Variants in ACRBP observed in about 807,000 individuals in gnomAD.
ACRBP encodes the protein acrosin-binding protein.
A neutral mutation model predicts 69.0 loss-of-function variants in ACRBP; 52 were observed. The ratio of observed to expected loss-of-function variants is 0.75; its 90% CI spans 0.60 to 0.95. The LOEUF (loss-of-function observed/expected upper bound fraction) is 0.95, where lower values mean the gene tolerates loss of function less well. ACRBP is among the 40% of genes least tolerant of loss of function. The probability of loss-of-function intolerance (pLI) is 0.00; values close to 1 mark genes in which losing one functional copy is unlikely to be tolerated. For synonymous variants in ACRBP, 267 were observed against 258.9 expected, an observed-to-expected ratio of 1.03 and a Z score of -0.30; for missense variants, 604 against 673.0, an observed-to-expected ratio of 0.90 and a Z score of 1.13.
chr12:6,638,621 G>T, intron 9 of ACRBP: 2 of 1,282,720 alleles, frequency 1.6e-6, no homozygotes, highest in Non-Finnish European at 2.1e-6. Flanking sequence ...CTGAGGCTCA[G>T]AGGGGGAAGT....
intron 6 of ACRBP, among the ~76,000 whole-genome samples, chr12:6,642,696 T>C (rs1949061336): frequency 6.6e-6 from 1 of 152,236 alleles, no homozygotes; most frequent in Non-Finnish European, 1.5e-5. Flanking sequence ...TTTTATGTTA[T>C]TCTTGTCCTC....
intron 9 of ACRBP, 46 bp from the exon 10 acceptor site, chr12:6,638,450 G>A: frequency 1.2e-6 from 2 of 1,612,308 alleles, no homozygotes; most frequent in Non-Finnish European, 8.5e-7. Flanking sequence ...AGAGCCAGGT[G>A]CCAGGAGTGG....
intron 6 of ACRBP, among the ~76,000 whole-genome samples, chr12:6,641,888 A>G (rs187541516): frequency 4.0e-4 from 61 of 152,330 alleles, no homozygotes; most frequent in African/African-American, 1.4e-3. Context: ...TCTCTACAAA[A>G]AAATACAAAA....
chr12:6,645,785 C>G (rs1299386567), intron 3 of ACRBP, among the ~76,000 whole-genome samples: 2 of 151,540 alleles, frequency 1.3e-5, no homozygotes, highest in Non-Finnish European at 2.9e-5. Flanking sequence ...CTCAGTCTCT[C>G]GAGTAGCTGG....
At chr12:6,638,690 C>A in intron 9 of ACRBP, 1 of 1,424,528 alleles carries the variant, frequency 7.0e-7, no homozygotes, top group Non-Finnish European at 9.1e-7. Context: ...CCTCAACGTC[C>A]AAGTCCTGGC....
chr12:6,646,711 CTCACA>C (rs1214674562), intron 2 of ACRBP, 78 bp downstream of exon 2: 5 of 1,559,932 alleles, frequency 3.2e-6, no homozygotes, highest in East Asian at 4.5e-5. Context: ...CCTTCCCCGC[CTCACA>C]TGAGCACAGG....
chr12:6,638,244 G>A lies in ACRBP; in HGVS notation c.*38C>T. 6.2e-7 allele frequency: 1 copy of A among 1,608,158 alleles called. No individual in the cohort carries two copies. The highest frequency in any genetic ancestry group is 8.5e-7 in the Non-Finnish European group (1 of 1,175,686). The stretch of plus-strand genomic sequence containing the variant: ...GGTCTCAAAACAATAGAGAACGTGG[G>A]CAGGTTGGGCTGGGGTGTGGGCAGA... On this transcript the variant is annotated 3_prime_UTR_variant, in exon 10 of 10. Transcript: ENST00000229243.
chr12:6,646,962 A>C lies in ACRBP; in HGVS notation c.94T>G (p.Ser32Ala), dbSNP rs1949094388. ...PAAAQDSTQASTPGSPLSPTE... is the reference protein window; with the variant it reads ...PAAAQDSTQAATPGSPLSPTE... ...GGAGAGAGAGGGCTGCCTGGAGTGG[A>C]GGCCTGAGTCGAATCCTGGGCTGCG... Residue 32 changes from serine (S) to alanine (A), a missense_variant, in exon 2 of 10, where the codon TCC becomes GCC. Physicochemically the swap from Ser to Ala is moderately conservative, Grantham distance 99. Coordinates refer to ENST00000229243, the MANE Select transcript of ACRBP (RefSeq NM_032489.3). 4 of 1,613,176 alleles carry C rather than the reference A, an allele frequency of 2.5e-6. No homozygotes were observed. Among genetic ancestry groups the C allele is most frequent in the Non-Finnish European group, 3.4e-6 (4 of 1,180,034 alleles).
At chr12:6,645,748 C>A (rs1949083317) in intron 3 of ACRBP, among the ~76,000 whole-genome samples, 2 of 151,734 alleles carry the variant, frequency 1.3e-5, no homozygotes, top group Non-Finnish European at 2.9e-5. Flanking sequence ...GCAAGCCCCA[C>A]CTCCCGGGTT....
chr12:6,638,256 G>A lies in ACRBP; in HGVS notation c.*26C>T. 6.2e-7 allele frequency: 1 copy of A among 1,610,502 alleles called. No homozygotes were observed. Among genetic ancestry groups the A allele is most frequent in the Non-Finnish European group, 8.5e-7 (1 of 1,177,294 alleles). On this transcript the variant is annotated 3_prime_UTR_variant, in exon 10 of 10. Transcript: ENST00000229243. ...ATAGAGAACGTGGGCAGGTTGGGCT[G>A]GGGTGTGGGCAGAATAGACGCCAGC...
Position 6,643,666 on chromosome 12 carries a change from A to G in ACRBP, c.950T>C (p.Leu317Pro), listed in dbSNP as rs758950655. ...YWRNQNPGSL[L>P]QLPHTEALLV... Reference sequence around the variant, plus strand: ...CAAGGCCTCTGTGTGGGGCAGCTGCAGGAGGCTGCAAGAAGACAGCACTGA... The same window carrying G: ...CAAGGCCTCTGTGTGGGGCAGCTGCGGGAGGCTGCAAGAAGACAGCACTGA... Residue 317 changes from leucine (L) to proline (P), a missense_variant, in exon 6 of 10, where the codon CTG becomes CCG. Physicochemically the swap from Leu to Pro is moderately conservative, Grantham distance 98 (BLOSUM62 -3). Coordinates refer to ENST00000229243, the MANE Select transcript of ACRBP (RefSeq NM_032489.3). 3.7e-6 allele frequency: 6 copies of G among 1,613,968 alleles called. No individual in the cohort carries two copies. The highest frequency in any genetic ancestry group is 5.1e-6 in the Non-Finnish European group (6 of 1,179,856).
At chr12:6,638,877 G>C in intron 9 of ACRBP, 77 bp downstream of exon 9, 1 of 1,595,992 alleles carries the variant, frequency 6.3e-7, no homozygotes, top group Non-Finnish European at 8.6e-7. Context: ...CTCGCAGAGG[G>C]GGCCTCAGAA....
chr12:6,645,460 A>G (rs2136251619), intron 3 of ACRBP, 123 bp from the exon 4 acceptor site: 2 of 761,110 alleles, frequency 2.6e-6, no homozygotes, highest in East Asian at 2.6e-5. Context: ...ATAAAGGGAC[A>G]TGGTCCCTGC....
rs367996082 is a variant in ACRBP, at chr12:6,645,252, G to A, written c.443C>T (p.Thr148Met). ...IEASAEVSPT[T>M]MTSPISPHFT... ...GTGGGGTGAGATGGGGGAGGTCATC[G>A]TGGTGGGTGAGACTTCAGCTGAAGC... is the stretch of plus-strand genomic sequence containing the variant. Residue 148 changes from threonine to methionine, a missense_variant, in exon 4 of 10, where the codon ACG becomes ATG. Physicochemically the swap from Thr to Met is moderately conservative, Grantham distance 81 (BLOSUM62 -1). This residue lies in a region of ACRBP where 532 missense variants were observed against 562.9 expected (regional missense o/e 0.95). Transcript: ENST00000229243. 6.4e-5 allele frequency: 104 copies of A among 1,613,682 alleles called. No homozygotes were observed. The highest frequency in any genetic ancestry group is 3.3e-4 in the Middle Eastern group (2 of 6,080).
intron 8 of ACRBP, 137 bp downstream of exon 8, chr12:6,639,923 G>A (rs1949038919): frequency 2.0e-6 from 2 of 1,022,960 alleles, no homozygotes; most frequent in Admixed American, 5.5e-5. Flanking sequence ...GAGAGAGGCA[G>A]GAGATTCAGT....
rs1949031327 is a variant in ACRBP, at chr12:6,638,957, C to G, written c.1506G>C (p.Arg502=). 1.9e-6 allele frequency: 3 copies of G among 1,613,928 alleles called. No individual in the cohort carries two copies. Among genetic ancestry groups the G allele is most frequent in the Non-Finnish European group, 8.5e-7 (1 of 1,179,936 alleles). Residue 502 remains arginine, a synonymous_variant, in exon 9 of 10, where the codon CGG becomes CGC. Coordinates refer to ENST00000229243, the MANE Select transcript of ACRBP (RefSeq NM_032489.3). ...GGGGCAGGGCAGGGGTGCTCACCTTCCGATTGCGGTTTCTCATCAGACACT... is the reference window on the plus strand; with the variant it reads ...GGGGCAGGGCAGGGGTGCTCACCTTGCGATTGCGGTTTCTCATCAGACACT... ...SQQCLMRNRN[R]KVSRMRCLQN...
chr12:6,641,466 T>G (rs1472061421), intron 6 of ACRBP, among the ~76,000 whole-genome samples: 1 of 152,180 alleles, frequency 6.6e-6, no homozygotes, highest in Non-Finnish European at 1.5e-5. Context: ...ATGTTGCCAT[T>G]CAAGAGTTTT....
chr12:6,644,743 A>G (rs1470836704), intron 4 of ACRBP, 138 bp from the exon 5 acceptor site: 3 of 1,350,150 alleles, frequency 2.2e-6, no homozygotes. Flanking sequence ...AGAAAAGAAC[A>G]TAAGTATTAA....
At position 6,638,088 on chromosome 12, in the gene ACRBP, T is replaced by G; in HGVS notation, c.*194A>C. The G allele has an allele frequency of 1.4e-6, 1 of 701,242 alleles. No homozygotes were observed. The highest frequency in any genetic ancestry group is 2.3e-6 in the Non-Finnish European group (1 of 433,196). The allele number at this position is 701,242 out of a possible 1,614,324, so 43.4% of individuals were successfully genotyped here. ...GGCCACACAGGCTGAAGATCAACAT[T>G]TTATGTAAAGTCATCTTTTAAGGAG... On this transcript the variant is annotated 3_prime_UTR_variant, in exon 10 of 10. Transcript: ENST00000229243.
Sources: gnomAD v4.1 joint callset for allele counts (sites outside exome capture counted in the v4.1 genomes callset) on GRCh38, gnomAD v4.1.1 for gene constraint, gnomAD v4.1.1 regional missense constraint, MANE v1.5 for transcripts, NCBI Gene and HGNC (gene_info 2026-07-23, HGNC 2026-07-21) for gene names.